STPG2: variants seen among roughly 807,000 people sequenced by gnomAD.
The protein encoded by STPG2 is sperm tail PG-rich repeat containing 2.
A neutral mutation model predicts 54.2 loss-of-function variants in STPG2; 56 were observed. The ratio of observed to expected loss-of-function variants is 1.03; its 90% confidence interval spans 0.83 to 1.29. The LOEUF (loss-of-function observed/expected upper bound fraction) is 1.29, where lower values mean the gene tolerates loss of function less well. STPG2 is among the 50% of genes most tolerant of loss of function. STPG2 has a pLI of 0.00. For missense variants in STPG2, 596 were observed against 544.9 expected (o/e 1.09, Z -0.93); for synonymous variants, 200 against 181.8 (o/e 1.10, Z -0.81).
chr4:97,889,970 A>C (rs1730708224), intron 8 of STPG2, among the ~76,000 whole-genome samples: 1 of 152,158 alleles, frequency 6.6e-6, no homozygotes, highest in Non-Finnish European at 1.5e-5. Flanking sequence ...ATTTTCAGAA[A>C]TCTAATTAAT....
At chr4:97,570,929 G>GT (rs149011719) in intron 10 of STPG2, among the ~76,000 whole-genome samples, 1 of 151,856 alleles carries the variant, frequency 6.6e-6, no homozygotes, top group Non-Finnish European at 1.5e-5. Context: ...TCAGTCTTTC[G>GT]TTACAGGGGT....
chr4:98,081,425 C>T (rs371751297), intron 5 of STPG2, among the ~76,000 whole-genome samples: 2 of 55,924 alleles, frequency 3.6e-5, no homozygotes, highest in Non-Finnish European at 8.3e-5. Context: ...GAGATAAAAG[C>T]TAAGGGGGTT....
chr4:98,074,439 A>G (rs1738096617), intron 5 of STPG2, among the ~76,000 whole-genome samples: 1 of 151,586 alleles, frequency 6.6e-6, no homozygotes, highest in African/African-American at 2.4e-5. Flanking sequence ...TAAAGTTTGT[A>G]GAACTTCTTG....
intron 9 of STPG2, among the ~76,000 whole-genome samples, chr4:97,776,531 C>T (rs1464172744): frequency 6.6e-6 from 1 of 152,054 alleles, no homozygotes; most frequent in Non-Finnish European, 1.5e-5. Flanking sequence ...AGGCTATTCT[C>T]TAAACAAAAT....
chr4:97,682,964 C>A (rs1293481554), intron 10 of STPG2, among the ~76,000 whole-genome samples: 1 of 151,750 alleles, frequency 6.6e-6, no homozygotes, highest in African/African-American at 2.4e-5. Flanking sequence ...GAAGCAGATG[C>A]TATGCAGTTC....
intron 5 of STPG2, among the ~76,000 whole-genome samples, chr4:98,046,801 C>T (rs998552020): frequency 2.6e-4 from 40 of 152,298 alleles, no homozygotes; most frequent in Non-Finnish European, 4.7e-4. Context: ...CACTGCTTTG[C>T]TTTTTGTCAC....
At chr4:97,510,581 C>T (rs1395950465) in intron 4 of STPG2, among the ~76,000 whole-genome samples, 3 of 151,976 alleles carry the variant, frequency 2.0e-5, no homozygotes, top group Admixed American at 6.6e-5. Context: ...CACCAGGGAC[C>T]AGTTTCATGG....
chr4:97,542,055 G>A (rs188166244), intron 4 of STPG2, among the ~76,000 whole-genome samples: 1 of 152,094 alleles, frequency 6.6e-6, no homozygotes, highest in African/African-American at 2.4e-5. Context: ...CAGGACATAG[G>A]CATAGGCAAG....
At chr4:97,604,393 A>C (rs1402881612) in intron 10 of STPG2, among the ~76,000 whole-genome samples, 3 of 151,782 alleles carry the variant, frequency 2.0e-5, no homozygotes, top group African/African-American at 7.2e-5. Flanking sequence ...AGGAGAAAAG[A>C]GATGTAGTGG....
chr4:97,968,803 T>C (rs1418314750), intron 7 of STPG2, among the ~76,000 whole-genome samples: 4 of 152,224 alleles, frequency 2.6e-5, no homozygotes, highest in African/African-American at 7.2e-5. Context: ...CAACTGATTA[T>C]TGTAAATACA....
At chr4:97,619,990 A>AT (rs899994246) in intron 10 of STPG2, among the ~76,000 whole-genome samples, 6 of 151,654 alleles carry the variant, frequency 4.0e-5, no homozygotes, top group Non-Finnish European at 8.8e-5. Context: ...TGCCTGGCTA[A>AT]TTTTTTGTAT....
chr4:97,943,832 AT>A (rs1255555619), intron 8 of STPG2, 64 bp downstream of exon 8: 13 of 1,248,728 alleles, frequency 1.0e-5, no homozygotes, highest in Non-Finnish European at 1.4e-5. Context: ...TATAATGTTT[AT>A]GTTATGCAGC....
chr4:97,754,617 A>G (rs1725675429), intron 9 of STPG2, among the ~76,000 whole-genome samples: 3 of 152,096 alleles, frequency 2.0e-5, no homozygotes, highest in South Asian at 2.1e-4. Flanking sequence ...ATGAACTCCA[A>G]ATGTTGTTAG....
At chr4:98,103,271 C>T (rs1559860) in intron 5 of STPG2, among the ~76,000 whole-genome samples, 60,147 of 151,922 alleles carry the variant, frequency 0.4, 12,148 homozygotes, top group Middle Eastern at 0.46. Flanking sequence ...AATGTACATA[C>T]ACTTATTAAT....
chr4:97,697,425 C>T (rs1378142328), intron 10 of STPG2, among the ~76,000 whole-genome samples: 1 of 152,170 alleles, frequency 6.6e-6, no homozygotes, highest in African/African-American at 2.4e-5. Flanking sequence ...GATGGCTTAG[C>T]AGCTAGTAAC....
chr4:98,134,494 A>G (rs550702570), intron 1 of STPG2, 35 bp from the exon 2 acceptor site: 109 of 1,332,756 alleles, frequency 8.2e-5, no homozygotes, highest in Admixed American at 6.6e-4. Flanking sequence ...AGCAGATAAG[A>G]TAAGAGTCCA....
At chr4:97,701,629 G>A (rs574428910) in intron 10 of STPG2, among the ~76,000 whole-genome samples, 48 of 152,274 alleles carry the variant, frequency 3.2e-4, no homozygotes, top group East Asian at 1.5e-3. Context: ...TTGAGGGGCC[G>A]TGATTCTGTT....
chr4:97,953,326 A>G (rs954107183), intron 7 of STPG2, among the ~76,000 whole-genome samples: 4 of 152,142 alleles, frequency 2.6e-5, no homozygotes, highest in African/African-American at 7.2e-5. Flanking sequence ...CAAAACTCAC[A>G]CCTGCTAGCA....
chr4:97,922,996 A>T (rs1732165344), intron 8 of STPG2, among the ~76,000 whole-genome samples: 2 of 152,056 alleles, frequency 1.3e-5, no homozygotes, highest in Admixed American at 6.5e-5. Context: ...TTTTTCTACC[A>T]AAGTCATTTC....
Sources: gnomAD v4.1 joint callset for allele counts (sites outside exome capture counted in the v4.1 genomes callset) on GRCh38, gnomAD v4.1.1 for gene constraint, MANE v1.5 for transcripts, NCBI Gene and HGNC (gene_info 2026-07-23, HGNC 2026-07-21) for gene names.